The following MARK1 variants were observed in gnomAD, a reference collection of about 807,000 sequenced individuals.
MARK1 encodes microtubule affinity regulating kinase 1.
MARK1 carries 40 observed loss-of-function variants against 96.3 expected under a neutral mutation model. The ratio of observed to expected loss-of-function variants is 0.42; its 90% CI spans 0.32 to 0.54. The LOEUF (loss-of-function observed/expected upper bound fraction) is 0.54, where lower values mean the gene tolerates loss of function less well. MARK1 is among the 20% of genes least tolerant of loss of function. The pLI is 0.16. For missense variants in MARK1, 719 were observed against 984.6 expected, an observed-to-expected ratio of 0.73 and a Z score of 3.61; for synonymous variants, 317 against 341.2, an observed-to-expected ratio of 0.93 and a Z score of 0.78.
Position 220,581,773 on chromosome 1 carries a change from A to G in MARK1, c.309+655A>G, listed in dbSNP as rs115326032. Among the ~76,000 whole-genome samples, 642 of 152,352 alleles carry G rather than the reference A, an allele frequency of 4.2e-3. 3 individuals are homozygous for G. Among genetic ancestry groups the G allele is most frequent in the Non-Finnish European group, 5.0e-3 (343 of 68,016 alleles). ...ATGAAACAACATAGAGAGAAAAGAA[A>G]GCAGTTAGGAAGGGGATTGCCTTAG... On this transcript the variant is annotated intron_variant, in intron 3 of 17. Coordinates refer to ENST00000366917, the MANE Select transcript of MARK1 (RefSeq NM_018650.5).
At chr1:220,566,361 T>C (rs1663058162) in intron 1 of MARK1, among the ~76,000 whole-genome samples, 1 of 152,164 alleles carries the variant, frequency 6.6e-6, no homozygotes, top group South Asian at 2.1e-4. Context: ...GAATGATCTA[T>C]TAATAAAGAA....
Position 220,647,729 on chromosome 1 carries a change from T to A in MARK1, c.1471-2891T>A, listed in dbSNP as rs111794960. On this transcript the variant is annotated intron_variant, in intron 13 of 17. Transcript: ENST00000366917. ...TATGCAGCCATAAAAAGGAATGAGA[T>A]CATGTCCTTTGCAGGAACATGGATG... Among the ~76,000 whole-genome samples the A allele has an allele frequency of 1.6e-3, 250 of 152,270 alleles. 2 individuals carry two copies. Among genetic ancestry groups the A allele is most frequent in the African/African-American group, 5.5e-3 (227 of 41,538 alleles).
rs1210751704 is a variant in MARK1, at chr1:220,662,443, AT to A, written c.*279del. Reference sequence around the variant, plus strand: ...TCATAGAGTTGTATAATAAAACATGATTGCTTAAAAACTTGTATAGTTGTCT... The same window carrying A: ...TCATAGAGTTGTATAATAAAACATGATGCTTAAAAACTTGTATAGTTGTCT... On this transcript the variant is annotated 3_prime_UTR_variant, in exon 18 of 18. Transcript: ENST00000366917. 3.4e-6 allele frequency: 1 copy of A among 293,200 alleles called. No individual in the cohort carries two copies. Among genetic ancestry groups the A allele is most frequent in the Non-Finnish European group, 6.4e-6 (1 of 157,332 alleles). 18.2% of individuals were successfully genotyped at this position (293,200 alleles called of 1,614,324 possible). A position where few individuals can be genotyped will look rare whatever the true frequency, so the allele number is the denominator to read the frequency against.
At chr1:220,565,310 A>G (rs1431706163) in intron 1 of MARK1, among the ~76,000 whole-genome samples, 1 of 152,148 alleles carries the variant, frequency 6.6e-6, no homozygotes, top group East Asian at 1.9e-4. Flanking sequence ...ATCAGCTAAC[A>G]ACCTATTTCA....
At chr1:220,616,236 A>G (rs1051305540) in intron 7 of MARK1, among the ~76,000 whole-genome samples, 8 of 152,172 alleles carry the variant, frequency 5.3e-5, no homozygotes, top group African/African-American at 1.9e-4. Flanking sequence ...ACTATTAATT[A>G]GTTTGTTTTA....
chr1:220,616,681 A>G lies in MARK1; in HGVS notation c.552+686A>G, dbSNP rs572559294. Among the ~76,000 whole-genome samples the G allele has an allele frequency of 6.0e-3, 8 of 1,324 alleles. No individual in the cohort carries two copies. The Non-Finnish European group carries it at 0.17, about 28-fold the overall frequency. 0.9% of individuals were successfully genotyped at this position (1,324 alleles called of 152,430 possible). On this transcript the variant is annotated intron_variant, in intron 7 of 17. Transcript: ENST00000366917. ...TATATTTGAATATATTATCCTAAAC[A>G]GTTGTCAAAAAGTCAAGTCTAATTC...
chr1:220,573,640 C>T (rs559672974), intron 1 of MARK1, among the ~76,000 whole-genome samples: 30 of 152,122 alleles, frequency 2.0e-4, no homozygotes, highest in Admixed American at 1.3e-4. Context: ...TATTTTTATT[C>T]AGTCTTCCTG....
chr1:220,623,530 A>G (rs549883951), intron 9 of MARK1, among the ~76,000 whole-genome samples: 2 of 152,226 alleles, frequency 1.3e-5, no homozygotes, highest in East Asian at 1.9e-4. Flanking sequence ...TTGTTGTGAG[A>G]CAAACTCCTT....
At chr1:220,558,730 C>A (rs1662463896) in intron 1 of MARK1, among the ~76,000 whole-genome samples, 1 of 151,648 alleles carries the variant, frequency 6.6e-6, no homozygotes, top group African/African-American at 2.4e-5. Context: ...AAGAAATGGG[C>A]AAATAGATGA....
intron 12 of MARK1, 77 bp downstream of exon 12, chr1:220,635,606 A>G: frequency 1.4e-6 from 2 of 1,472,840 alleles, no homozygotes; most frequent in Non-Finnish European, 1.8e-6. Flanking sequence ...TTGTACATTC[A>G]CGTCTCTATG....
At chr1:220,599,760 C>A in intron 4 of MARK1, 38 bp from the exon 5 acceptor site, 3 of 1,177,294 alleles carry the variant, frequency 2.5e-6, no homozygotes, top group Non-Finnish European at 3.8e-6. Context: ...TCAATCTGTG[C>A]TAACAGTTAT....
At position 220,581,029 on chromosome 1, in the gene MARK1, T is replaced by C. The variant is rs970741013; in HGVS notation, c.256-36T>C. On this transcript the variant is annotated intron_variant, in intron 2 of 17. Transcript: ENST00000366917. ...AAAGTTTTATTCATTAAAATATGCA[T>C]TTTTCAAATAGAGTTTAATGATTCT... 3 of 923,464 alleles carry C rather than the reference T, an allele frequency of 3.2e-6. No homozygotes were observed. In the Admixed American group the frequency reaches 9.8e-5, roughly 30 times the overall value. 57.2% of individuals were successfully genotyped at this position (923,464 alleles called of 1,614,324 possible).
At chr1:220,550,412 A>G (rs1389241758) in intron 1 of MARK1, among the ~76,000 whole-genome samples, 1 of 152,110 alleles carries the variant, frequency 6.6e-6, no homozygotes, top group African/African-American at 2.4e-5. Context: ...GAGTGCAGTG[A>G]TGGGAACATG....
intron 6 of MARK1, among the ~76,000 whole-genome samples, chr1:220,610,048 G>C (rs1223379338): frequency 1.3e-5 from 2 of 152,150 alleles, no homozygotes; most frequent in Non-Finnish European, 2.9e-5. Flanking sequence ...TCTTCTCAAG[G>C]AGTATCTTTG....
chr1:220,656,283 T>C (rs962572064), intron 16 of MARK1, among the ~76,000 whole-genome samples: 2 of 152,240 alleles, frequency 1.3e-5, no homozygotes, highest in Non-Finnish European at 2.9e-5. Context: ...CCAATGTTCC[T>C]ACTGGCATCC....
rs141387572 is a variant in MARK1, at chr1:220,564,480, TAAG to T, written c.52-14870_52-14868del. 2.4e-3 allele frequency among the ~76,000 whole-genome samples: 365 copies of T among 152,304 alleles called. 1 individual carries two copies. Among genetic ancestry groups the T allele is most frequent in the African/African-American group, 8.2e-3 (342 of 41,580 alleles). ...ATTATTTAATTATAGCGATAATTGT[TAAG>T]AAGGTAAAAACCAGATGTATATGCA... On this transcript the variant is annotated intron_variant, in intron 1 of 17. Transcript: ENST00000366917.
intron 16 of MARK1, among the ~76,000 whole-genome samples, chr1:220,656,953 T>C (rs1039440278): frequency 2.6e-5 from 4 of 152,186 alleles, no homozygotes; most frequent in Non-Finnish European, 4.4e-5. Context: ...ATTTTATTCT[T>C]ATTGCATTCG....
At chr1:220,594,969 A>C (rs1352913446) in intron 3 of MARK1, among the ~76,000 whole-genome samples, 1 of 152,186 alleles carries the variant, frequency 6.6e-6, no homozygotes, top group Admixed American at 6.5e-5. Context: ...TAGAATGTAT[A>C]GTAGTAGCAA....
intron 17 of MARK1, among the ~76,000 whole-genome samples, chr1:220,659,935 T>A (rs6658893): frequency 9.9e-5 from 15 of 152,280 alleles, no homozygotes; most frequent in African/African-American, 3.6e-4. Context: ...TTACAGGCGC[T>A]TGCCACCACA....
Sources: allele counts gnomAD v4.1 joint callset (sites outside exome capture counted in the v4.1 genomes callset), GRCh38; gene constraint gnomAD v4.1.1; transcripts MANE v1.5; gene names NCBI Gene and HGNC (gene_info 2026-07-23, HGNC 2026-07-21).